Variants in C8orf34 observed in about 807,000 individuals in gnomAD.
C8orf34 encodes uncharacterized protein C8orf34.
A neutral mutation model predicts 68.3 loss-of-function variants in C8orf34; 65 were observed. The observed-to-expected ratio is 0.95, with a 90% confidence interval of 0.78 to 1.17. C8orf34 has a LOEUF of 1.17. Ranked by LOEUF, C8orf34 falls within the 50% of genes most tolerant of loss-of-function variation. C8orf34 has a pLI of 0.00. For synonymous variants in C8orf34, 244 were observed against 241.2 expected, an observed-to-expected ratio of 1.01 and a Z score of -0.11; for missense variants, 664 against 655.4, an observed-to-expected ratio of 1.01 and a Z score of -0.14.
intron 1 of C8orf34, among the ~76,000 whole-genome samples, chr8:68,338,307 A>T (rs1334269951): frequency 6.6e-6 from 1 of 152,172 alleles, no homozygotes; most frequent in Non-Finnish European, 1.5e-5. Context: ...TTGGCAACAT[A>T]TGAATTCTGA....
chr8:68,722,341 A>G (rs964760123), intron 10 of C8orf34, among the ~76,000 whole-genome samples: 3 of 152,064 alleles, frequency 2.0e-5, no homozygotes. Context: ...ACCTCTTTAA[A>G]GACCTTATCT....
chr8:68,806,061 C>T (rs1304816331), intron 12 of C8orf34, among the ~76,000 whole-genome samples: 1 of 151,938 alleles, frequency 6.6e-6, no homozygotes, highest in Non-Finnish European at 1.5e-5. Context: ...AGAAAAGTCT[C>T]ATGTCAATTG....
chr8:68,608,302 C>A (rs550872322), intron 7 of C8orf34, among the ~76,000 whole-genome samples: 1 of 140,588 alleles, frequency 7.1e-6, no homozygotes, highest in Admixed American at 6.9e-5. Flanking sequence ...GTAATAAAAG[C>A]GATCTTCTAG....
At chr8:68,428,486 C>T (rs1810322450) in intron 1 of C8orf34, among the ~76,000 whole-genome samples, 1 of 152,030 alleles carries the variant, frequency 6.6e-6, no homozygotes, top group African/African-American at 2.4e-5. Context: ...TAGTAATAAA[C>T]ACTTCATGTA....
chr8:68,397,518 T>C (rs546443107), intron 1 of C8orf34, among the ~76,000 whole-genome samples: 1 of 152,204 alleles, frequency 6.6e-6, no homozygotes, highest in Non-Finnish European at 1.5e-5. Context: ...TAAATTTCTT[T>C]ATTTTGTTTA....
At chr8:68,382,871 T>C (rs1231305993) in intron 1 of C8orf34, among the ~76,000 whole-genome samples, 1 of 152,202 alleles carries the variant, frequency 6.6e-6, no homozygotes, top group Non-Finnish European at 1.5e-5. Flanking sequence ...TATTTATATT[T>C]ATATCATATC....
intron 10 of C8orf34, among the ~76,000 whole-genome samples, chr8:68,733,865 G>A (rs1446078058): frequency 6.6e-6 from 1 of 152,146 alleles, no homozygotes; most frequent in Non-Finnish European, 1.5e-5. Context: ...AAAAAAGGAA[G>A]CTGAGTAATT....
intron 10 of C8orf34, among the ~76,000 whole-genome samples, chr8:68,734,812 A>G (rs955143855): frequency 6.6e-6 from 1 of 152,176 alleles, no homozygotes; most frequent in Non-Finnish European, 1.5e-5. Flanking sequence ...TCTGGCGGGT[A>G]GTGGGATACA....
intron 8 of C8orf34, among the ~76,000 whole-genome samples, chr8:68,690,889 G>A (rs73683594): frequency 0.065 from 9,925 of 151,978 alleles, 433 homozygotes; most frequent in African/African-American, 0.12. Flanking sequence ...ACTTAACAAG[G>A]CCTGTTTGTA....
At chr8:68,556,681 C>T (rs978974944) in intron 7 of C8orf34, among the ~76,000 whole-genome samples, 16 of 152,172 alleles carry the variant, frequency 1.1e-4, no homozygotes, top group African/African-American at 3.6e-4. Flanking sequence ...CAGGGATCCT[C>T]GGCCGATGTA....
intron 2 of C8orf34, among the ~76,000 whole-genome samples, chr8:68,440,699 C>G (rs947626483): frequency 1.3e-5 from 2 of 152,052 alleles, no homozygotes; most frequent in Non-Finnish European, 2.9e-5. Flanking sequence ...TAAGATGGTA[C>G]CCACCACATA....
At chr8:68,415,837 T>A (rs1245867742) in intron 1 of C8orf34, among the ~76,000 whole-genome samples, 1 of 152,190 alleles carries the variant, frequency 6.6e-6, no homozygotes, top group Non-Finnish European at 1.5e-5. Flanking sequence ...GGCTTCTCTA[T>A]TTGTGCTGTT....
At position 68,818,249 on chromosome 8, in the gene C8orf34, CAG is replaced by C. The variant is rs756077654; in HGVS notation, c.*9_*10del. On this transcript the variant is annotated 3_prime_UTR_variant, in exon 14 of 14. Coordinates refer to ENST00000518698, the MANE Select transcript of C8orf34 (RefSeq NM_052958.4). ...ATTTCTCCTCTGCAGGTTTGTGAAA[CAG>C]AGAGAAGAAGTTGCAAGTGGTCCTT... 2 of 1,612,492 alleles carry C rather than the reference CAG, an allele frequency of 1.2e-6. No individual in the cohort carries two copies. The highest frequency in any genetic ancestry group is 1.3e-5 in the African/African-American group (1 of 74,998).
chr8:68,527,525 T>C (rs557496461), intron 6 of C8orf34, among the ~76,000 whole-genome samples: 537 of 152,208 alleles, frequency 3.5e-3, no homozygotes, highest in Non-Finnish European at 6.1e-3. Flanking sequence ...TGAGCTGAGA[T>C]CGTGCCACTG....
intron 10 of C8orf34, among the ~76,000 whole-genome samples, chr8:68,764,899 T>C (rs1355256591): frequency 6.6e-6 from 1 of 152,218 alleles, no homozygotes; most frequent in African/African-American, 2.4e-5. Flanking sequence ...TATGAAGCCA[T>C]TTGATAATTT....
intron 13 of C8orf34, among the ~76,000 whole-genome samples, chr8:68,817,018 G>A (rs763904665): frequency 6.6e-6 from 1 of 152,122 alleles, no homozygotes. Context: ...GCATACTGCT[G>A]TTCTGTTCAA....
chr8:68,742,538 C>G (rs1462055399), intron 10 of C8orf34, among the ~76,000 whole-genome samples: 1 of 152,138 alleles, frequency 6.6e-6, no homozygotes, highest in African/African-American at 2.4e-5. Context: ...TTGATAGAAT[C>G]CTTTCTCCCC....
chr8:68,510,740 T>C (rs890117277), intron 5 of C8orf34, among the ~76,000 whole-genome samples: 2 of 152,200 alleles, frequency 1.3e-5, no homozygotes, highest in African/African-American at 2.4e-5. Flanking sequence ...TATTTCTACA[T>C]TGGCCTTTTG....
chr8:68,632,395 T>C (rs185309715), intron 7 of C8orf34, among the ~76,000 whole-genome samples: 381 of 152,162 alleles, frequency 2.5e-3, no homozygotes, highest in Non-Finnish European at 4.4e-3. Context: ...CCCATATTCG[T>C]TCACAAAGAA....
Sources: gnomAD v4.1 joint callset for allele counts (sites outside exome capture counted in the v4.1 genomes callset) on GRCh38, gnomAD v4.1.1 for gene constraint, MANE v1.5 for transcripts, NCBI Gene and HGNC (gene_info 2026-07-23, HGNC 2026-07-21) for gene names.